Variants in CFAP97D2 observed in about 807,000 individuals in gnomAD.
The protein encoded by CFAP97D2 is CFAP97 domain containing 2.
rs532070114 is a variant in CFAP97D2, at chr13:114,210,094, G to A, written c.291-1818G>A. 5.3e-5 allele frequency among the ~76,000 whole-genome samples: 8 copies of A among 152,068 alleles called. No homozygotes were observed. In the South Asian group the frequency reaches 1.5e-3, roughly 28 times the overall value. On this transcript the variant is annotated intron_variant, in intron 3 of 4. Transcript: ENST00000646158. ...TATTTTCTGCATTTTGTATATTTTT[G>A]TATATTTTCTGCATTTCCAAATATA... is the stretch of plus-strand genomic sequence containing the variant.
rs964258787 is a variant in CFAP97D2, at chr13:114,179,946, C to T, written c.90+526C>T. 6.6e-6 allele frequency among the ~76,000 whole-genome samples: 1 copy of T among 152,204 alleles called. No individual in the cohort carries two copies. Among genetic ancestry groups the T allele is most frequent in the Non-Finnish European group, 1.5e-5 (1 of 68,038 alleles). On this transcript the variant is annotated intron_variant, in intron 1 of 4. Transcript: ENST00000646158. The surrounding 1 kb of genome is among the most constrained non-coding windows in gnomAD (Gnocchi z 4.8). ...GATTACAGGCATGAGCCACCGTGCC[C>T]GGCCCGGCATCCTTTTCTCTATCAA...
At chr13:114,180,527 C>T (rs573974545) in intron 1 of CFAP97D2, among the ~76,000 whole-genome samples, 4 of 152,264 alleles carry the variant, frequency 2.6e-5, no homozygotes, top group East Asian at 1.9e-4. Flanking sequence ...TCCCCTCTGC[C>T]GCTCTCTGGT....
At chr13:114,218,866 A>G (rs2081007355) in intron 4 of CFAP97D2, among the ~76,000 whole-genome samples, 1 of 152,254 alleles carries the variant, frequency 6.6e-6, no homozygotes, top group Non-Finnish European at 1.5e-5. Flanking sequence ...CACCTTATAC[A>G]AAAATTAATT....
chr13:114,180,865 C>G (rs1299216837), intron 1 of CFAP97D2, among the ~76,000 whole-genome samples: 1 of 152,176 alleles, frequency 6.6e-6, no homozygotes, highest in African/African-American at 2.4e-5. Context: ...AAGTGAGTAA[C>G]CAGGCTCTGT....
chr13:114,196,357 A>G (rs2080887228), intron 1 of CFAP97D2, 39 bp from the exon 2 acceptor site: 2 of 399,610 alleles, frequency 5.0e-6, no homozygotes, highest in South Asian at 2.5e-4. Flanking sequence ...CTCTGTTTCC[A>G]ATACTGCGCC....
In CFAP97D2 at chr13:114,211,630, G is replaced by A. The variant is rs553954604; in HGVS notation, c.291-282G>A. Among the ~76,000 whole-genome samples the A allele has an allele frequency of 3.3e-5, 5 of 152,136 alleles. No individual in the cohort carries two copies. Among genetic ancestry groups the A allele is most frequent in the African/African-American group, 9.7e-5 (4 of 41,432 alleles). On this transcript the variant is annotated intron_variant, in intron 3 of 4. Transcript: ENST00000646158. The surrounding 1 kb of genome is among the most constrained non-coding windows in gnomAD (Gnocchi z 4.2). ...CTGCTGACCACGCTCAGGAAGCACC[G>A]GGAGACTTCCCCGCTGTGCCCCATT... is the stretch of plus-strand genomic sequence containing the variant.
chr13:114,205,681 T>C (rs1036032455), intron 3 of CFAP97D2, among the ~76,000 whole-genome samples: 1 of 152,174 alleles, frequency 6.6e-6, no homozygotes, highest in Non-Finnish European at 1.5e-5. Flanking sequence ...CCAGGCTCTT[T>C]GCTTCATTGT....
At chr13:114,196,894 G>A (rs2080890078) in intron 2 of CFAP97D2, among the ~76,000 whole-genome samples, 1 of 152,236 alleles carries the variant, frequency 6.6e-6, no homozygotes, top group African/African-American at 2.4e-5. Flanking sequence ...AGAAAGGCAG[G>A]ACAACTTGGA....
chr13:114,189,910 A>G lies in CFAP97D2; in HGVS notation c.91-6486A>G, dbSNP rs1196441545. Among the ~76,000 whole-genome samples the G allele has an allele frequency of 6.6e-6, 1 of 152,142 alleles. No homozygotes were observed. The highest frequency in any genetic ancestry group is 2.4e-5 in the African/African-American group (1 of 41,432). ...TAATCAGAACACTTTGGGTGGCTGA[A>G]GAGGGAGGATCACTTGAGCCCAGGA... On this transcript the variant is annotated intron_variant, in intron 1 of 4. Coordinates refer to ENST00000646158, the Ensembl canonical transcript of CFAP97D2. The surrounding 1 kb of genome is among the most constrained non-coding windows in gnomAD (Gnocchi z 4.5).
intron 4 of CFAP97D2, among the ~76,000 whole-genome samples, chr13:114,213,690 C>T (rs1175128450): frequency 6.7e-6 from 1 of 148,368 alleles, no homozygotes; most frequent in Non-Finnish European, 1.5e-5. Context: ...GAACCCCACC[C>T]CTGCACAAGC....
chr13:114,220,144 C>G (rs2138792240), intron 4 of CFAP97D2, among the ~76,000 whole-genome samples: 1 of 152,306 alleles, frequency 6.6e-6, no homozygotes, highest in East Asian at 1.9e-4. Flanking sequence ...ACCTGAAACA[C>G]AGCCTTCAGA....
At chr13:114,195,100 G>A (rs566195200) in intron 1 of CFAP97D2, among the ~76,000 whole-genome samples, 8 of 152,112 alleles carry the variant, frequency 5.3e-5, no homozygotes, top group Admixed American at 2.0e-4. Flanking sequence ...CCACCTCCCC[G>A]CCCAGTGGCC....
chr13:114,197,930 C>T (rs1327683317), intron 2 of CFAP97D2, among the ~76,000 whole-genome samples: 1 of 150,724 alleles, frequency 6.6e-6, no homozygotes, highest in Non-Finnish European at 1.5e-5. Context: ...GGTGATCTGC[C>T]CGCCTCGGCC....
intron 2 of CFAP97D2, among the ~76,000 whole-genome samples, chr13:114,198,918 G>T (rs2080902203): frequency 3.9e-5 from 2 of 51,390 alleles, no homozygotes; most frequent in Non-Finnish European, 6.2e-5. Flanking sequence ...GTGACGGCGC[G>T]TCCCCGTGTG....
Position 114,200,305 on chromosome 13 carries a change from G to C in CFAP97D2, c.172-20G>C. On this transcript the variant is annotated intron_variant, in intron 2 of 4. Coordinates refer to ENST00000646158, the Ensembl canonical transcript of CFAP97D2. ...CTCGCAATCTGCCGGCGCTCCTCCA[G>C]CCTCCTTCTCTGTCCCCAGCTGGAG... 2 of 398,336 alleles carry C rather than the reference G, an allele frequency of 5.0e-6. No homozygotes were observed. Among genetic ancestry groups the C allele is most frequent in the Non-Finnish European group, 8.9e-6 (2 of 225,976 alleles). The allele number at this position is 398,336 out of a possible 1,614,324, so 24.7% of individuals were successfully genotyped here.
At position 114,182,192 on chromosome 13, in the gene CFAP97D2, T is replaced by C. The variant is rs897016058; in HGVS notation, c.90+2772T>C. ...AAAAACGTGAGCAAAAGAGTCTATG[T>C]CGTAATTAAGTTCAAGGGAAGGTAC... On this transcript the variant is annotated intron_variant, in intron 1 of 4. Coordinates refer to ENST00000646158, the Ensembl canonical transcript of CFAP97D2. 2.8e-5 allele frequency among the ~76,000 whole-genome samples: 4 copies of C among 142,182 alleles called. 1 individual carries two copies. The highest frequency in any genetic ancestry group is 5.3e-5 in the African/African-American group (2 of 37,656). 93.3% of individuals were successfully genotyped at this position (142,182 alleles called of 152,430 possible). A position where few individuals can be genotyped will look rare whatever the true frequency, so the allele number is the denominator to read the frequency against.
At chr13:114,216,215 C>T (rs79585463) in intron 4 of CFAP97D2, among the ~76,000 whole-genome samples, 9,919 of 152,266 alleles carry the variant, frequency 0.065, 549 homozygotes, top group African/African-American at 0.13. Flanking sequence ...CTCCAGGGAT[C>T]TCAGTGCTTT....
rs562451869 is a variant in CFAP97D2, at chr13:114,189,215, T to C, written c.91-7181T>C. 4.6e-5 allele frequency among the ~76,000 whole-genome samples: 7 copies of C among 152,090 alleles called. No homozygotes were observed. The highest frequency in any genetic ancestry group is 7.2e-5 in the African/African-American group (3 of 41,428). On this transcript the variant is annotated intron_variant, in intron 1 of 4. Transcript: ENST00000646158. This position sits in a 1 kb window ranked among gnomAD's most constrained non-coding sequence, Gnocchi z 4.5. ...TAAAGGGATACTATGAACAAATTTATGCCCACAAATTTGATAACCTAAATG... is the reference window on the plus strand; with the variant it reads ...TAAAGGGATACTATGAACAAATTTACGCCCACAAATTTGATAACCTAAATG...
intron 1 of CFAP97D2, among the ~76,000 whole-genome samples, chr13:114,192,355 C>T (rs924182959): frequency 4.6e-5 from 7 of 152,074 alleles, no homozygotes; most frequent in Non-Finnish European, 5.9e-5. Context: ...AATATCTGTA[C>T]CTTTCTCTCA....
Sources: allele counts gnomAD v4.1 joint callset (sites outside exome capture counted in the v4.1 genomes callset), GRCh38; gene constraint gnomAD v4.1.1; non-coding constraint Gnocchi (gnomAD v3.1); transcripts MANE v1.5; gene names NCBI Gene and HGNC (gene_info 2026-07-23, HGNC 2026-07-21).